The following NCALD variants were observed in gnomAD, a reference collection of about 807,000 sequenced individuals.
NCALD encodes neurocalcin-delta.
NCALD carries 10 observed loss-of-function variants against 18.6 expected under a neutral mutation model. The observed-to-expected ratio is 0.54, with a 90% CI of 0.33 to 0.91. The LOEUF is 0.91. Among genes scored for constraint, NCALD ranks in the 40% least tolerant of loss-of-function variants. The probability of loss-of-function intolerance (pLI) is 0.03; values close to 1 mark genes in which losing one functional copy is unlikely to be tolerated. For synonymous variants in NCALD, 88 were observed against 87.4 expected, an observed-to-expected ratio of 1.01 and a Z score of -0.04; for missense variants, 184 against 247.6, an observed-to-expected ratio of 0.74 and a Z score of 1.72.
intron 1 of NCALD, among the ~76,000 whole-genome samples, chr8:102,067,409 T>G (rs886893801): frequency 2.0e-5 from 3 of 151,948 alleles, no homozygotes; most frequent in Admixed American, 1.3e-4. Flanking sequence ...ATCCTTCAAC[T>G]GTATACTTTT....
chr8:102,023,170 C>T (rs930868425), intron 1 of NCALD, among the ~76,000 whole-genome samples: 1 of 152,212 alleles, frequency 6.6e-6, no homozygotes, highest in Non-Finnish European at 1.5e-5. Flanking sequence ...GGCAGTGACG[C>T]TGACCACAGT....
intron 2 of NCALD, among the ~76,000 whole-genome samples, chr8:101,704,921 A>AAAAAAAT (rs530088899): frequency 3.4e-4 from 52 of 150,752 alleles, no homozygotes; most frequent in Non-Finnish European, 4.9e-4. Context: ...ACTCCGTGTC[A>AAAAAAAT]AAAAAATAAA....
intron 1 of NCALD, among the ~76,000 whole-genome samples, chr8:101,768,491 C>G (rs1447325369): frequency 6.6e-6 from 1 of 152,114 alleles, no homozygotes; most frequent in African/African-American, 2.4e-5. Context: ...GAAGGGCCAC[C>G]TGAGGTGAGA....
intron 2 of NCALD, among the ~76,000 whole-genome samples, chr8:101,969,950 T>G (rs930642902): frequency 7.9e-5 from 12 of 152,186 alleles, no homozygotes; most frequent in Non-Finnish European, 1.0e-4. Flanking sequence ...CACACATGTG[T>G]TTACAGATAA....
chr8:101,786,352 G>A (rs1812227591), intron 1 of NCALD, among the ~76,000 whole-genome samples: 1 of 152,198 alleles, frequency 6.6e-6, no homozygotes, highest in Non-Finnish European at 1.5e-5. Context: ...GACCTCACAT[G>A]CCTACTATAA....
At chr8:101,901,240 C>T (rs1335155881) in intron 3 of NCALD, among the ~76,000 whole-genome samples, 1 of 151,434 alleles carries the variant, frequency 6.6e-6, no homozygotes, top group African/African-American at 2.4e-5. Flanking sequence ...ATTGTTATAT[C>T]TGACAGGAAT....
chr8:101,858,532 G>A (rs1254971440), intron 4 of NCALD, among the ~76,000 whole-genome samples: 2 of 152,142 alleles, frequency 1.3e-5, no homozygotes, highest in East Asian at 1.9e-4. Flanking sequence ...AACCGGAGAT[G>A]TTCTGAACGA....
Position 101,909,219 on chromosome 8 carries a change from A to G in NCALD, c.-107+6590T>C, listed in dbSNP as rs142238247. ...GATGGTGCCTGAGTCTAAAATTACA[A>G]ATAAAAGCCAATTCAATTTTTCGAC... On this transcript the variant is annotated intron_variant, in intron 3 of 6. Transcript: ENST00000311028. Among the ~76,000 whole-genome samples the G allele has an allele frequency of 7.7e-3, 1,175 of 152,274 alleles. 18 individuals are homozygous for G. The highest frequency in any genetic ancestry group is 0.022 in the African/African-American group (925 of 41,546).
chr8:101,974,914 A>G (rs1434536118), intron 2 of NCALD, among the ~76,000 whole-genome samples: 1 of 152,212 alleles, frequency 6.6e-6, no homozygotes, highest in Non-Finnish European at 1.5e-5. Context: ...CATCTATGTA[A>G]GCACTAAATA....
At chr8:101,890,637 A>C (rs512202) in intron 3 of NCALD, among the ~76,000 whole-genome samples, 1 of 151,790 alleles carries the variant, frequency 6.6e-6, no homozygotes, top group African/African-American at 2.4e-5. Context: ...GCATTTATCC[A>C]CTCCTGAGAA....
chr8:101,896,680 A>T (rs1414560721), intron 3 of NCALD, among the ~76,000 whole-genome samples: 1 of 151,008 alleles, frequency 6.6e-6, no homozygotes, highest in Non-Finnish European at 1.5e-5. Flanking sequence ...AGAAAAACAA[A>T]CAACCCCATC....
chr8:102,025,960 C>G (rs1586942818), intron 1 of NCALD, among the ~76,000 whole-genome samples: 1 of 152,286 alleles, frequency 6.6e-6, no homozygotes, highest in East Asian at 1.9e-4. Flanking sequence ...CAAACACATC[C>G]TTCTTCACAC....
At chr8:101,879,525 A>G (rs947815460) in intron 4 of NCALD, among the ~76,000 whole-genome samples, 1 of 152,228 alleles carries the variant, frequency 6.6e-6, no homozygotes, top group Non-Finnish European at 1.5e-5. Flanking sequence ...AGCAACAGCA[A>G]GAGCTGCAAA....
intron 2 of NCALD, among the ~76,000 whole-genome samples, chr8:102,004,740 T>A (rs978171879): frequency 6.6e-6 from 1 of 152,046 alleles, no homozygotes; most frequent in African/African-American, 2.4e-5. Flanking sequence ...TCTACAACTA[T>A]CTGATCTTTG....
intron 2 of NCALD, among the ~76,000 whole-genome samples, chr8:101,966,469 CTGGGGACTGTTG>C (rs975670682): frequency 2.6e-5 from 3 of 116,752 alleles, no homozygotes; most frequent in African/African-American, 1.0e-4. Flanking sequence ...ACATCACACA[CTGGGGACTGTTG>C]TGGGGTGGAG....
chr8:101,903,470 ACAGGCTTGAGCCACCACACC>A (rs1406896925), intron 3 of NCALD, among the ~76,000 whole-genome samples: 1 of 152,166 alleles, frequency 6.6e-6, no homozygotes, highest in Non-Finnish European at 1.5e-5. Context: ...GCTGGGGATT[ACAGGCTTGAGCCACCACACC>A]CAGGCTATGT....
chr8:101,893,232 G>T (rs1376642968), intron 3 of NCALD, among the ~76,000 whole-genome samples: 5 of 151,014 alleles, frequency 3.3e-5, no homozygotes, highest in Admixed American at 2.6e-4. Context: ...GAAAAGAATT[G>T]TCAACCCAGA....
At chr8:101,770,040 A>G (rs1465548458) in intron 1 of NCALD, among the ~76,000 whole-genome samples, 1 of 152,172 alleles carries the variant, frequency 6.6e-6, no homozygotes, top group Non-Finnish European at 1.5e-5. Flanking sequence ...TAAAGAAAAG[A>G]AGAGGCCTAT....
At position 101,760,052 on chromosome 8, in the gene NCALD, T is replaced by C. The variant is rs1327381771; in HGVS notation, c.-20+30810A>G. Among the ~76,000 whole-genome samples the C allele has an allele frequency of 2.0e-5, 3 of 152,176 alleles. No individual in the cohort carries two copies. The East Asian group carries it at 5.8e-4, about 29-fold the overall frequency. ...CAATAAACAAGCTGACCCAAGGTTA[T>C]GGCTCCAGTCCCATGAGCCTGGTTT... On this transcript the variant is annotated intron_variant, in intron 1 of 3. Coordinates refer to ENST00000220931, the MANE Select transcript of NCALD (RefSeq NM_032041.3).
Sources: gnomAD v4.1 joint callset for allele counts (sites outside exome capture counted in the v4.1 genomes callset) on GRCh38, gnomAD v4.1.1 for gene constraint, MANE v1.5 for transcripts, NCBI Gene and HGNC (gene_info 2026-07-23, HGNC 2026-07-21) for gene names.